The following OSBPL10 variants were observed in gnomAD, a reference collection of about 807,000 sequenced individuals.
OSBPL10 encodes the protein oxysterol binding protein like 10.
In OSBPL10, 49 loss-of-function variants were observed where a neutral mutation model predicts 81.7. The ratio of observed to expected loss-of-function variants is 0.60; its 90% CI spans 0.48 to 0.76. OSBPL10 has a LOEUF of 0.76. Ranked by LOEUF, OSBPL10 falls within the 30% of genes least tolerant of loss-of-function variation. The probability of loss-of-function intolerance (pLI) is 0.00; values close to 1 mark genes in which losing one functional copy is unlikely to be tolerated. For synonymous variants in OSBPL10, 419 were observed against 383.6 expected, an observed-to-expected ratio of 1.09 and a Z score of -1.08; for missense variants, 923 against 987.8, an observed-to-expected ratio of 0.93 and a Z score of 0.88.
intron 6 of OSBPL10, among the ~76,000 whole-genome samples, chr3:31,729,887 C>G (rs1252134767): frequency 6.6e-6 from 1 of 152,168 alleles, no homozygotes; most frequent in African/African-American, 2.4e-5. Flanking sequence ...TCTAAACACT[C>G]CAACCTCCAT....
At chr3:32,030,079 T>C (rs796172441) in intron 2 of OSBPL10, 3 of 191,868 alleles carry the variant, frequency 1.6e-5, no homozygotes, top group African/African-American at 7.1e-5. Context: ...ATAGAGAATA[T>C]GTCAAAGAAG....
At chr3:31,710,359 C>T (rs913280054) in intron 6 of OSBPL10, among the ~76,000 whole-genome samples, 3 of 152,188 alleles carry the variant, frequency 2.0e-5, no homozygotes, top group African/African-American at 7.2e-5. Context: ...GGTATGTTGA[C>T]TTGAGGTTGC....
chr3:31,683,761 C>A lies in OSBPL10; in HGVS notation c.1599G>T (p.Val533=). The A allele has an allele frequency of 6.2e-7, 1 of 1,614,208 alleles. No homozygotes were observed. The stretch of plus-strand genomic sequence containing the variant: ...AGCAGGAGATGGGTGGGTGATGGGA[C>A]ACTTGCTCAGCCACAAACCTTAGTT... ...SYKLRFVAEQ[V]SHHPPISCFY... Residue 533 remains valine, a synonymous_variant, in exon 8 of 12, where the codon GTG becomes GTT. Transcript: ENST00000396556.
intron 4 of OSBPL10, among the ~76,000 whole-genome samples, chr3:31,811,392 T>G (rs1021854776): frequency 6.6e-6 from 1 of 152,146 alleles, no homozygotes; most frequent in Admixed American, 6.5e-5. Context: ...CTGTGCCCCA[T>G]GTGCGGCGCA....
At chr3:32,010,281 T>G (rs992330787) in intron 2 of OSBPL10, among the ~76,000 whole-genome samples, 4 of 152,310 alleles carry the variant, frequency 2.6e-5, no homozygotes, top group Admixed American at 1.3e-4. Flanking sequence ...TGCCTTGTTC[T>G]TGGATCTCCA....
At chr3:31,675,546 G>A (rs539618245) in intron 8 of OSBPL10, among the ~76,000 whole-genome samples, 1 of 152,292 alleles carries the variant, frequency 6.6e-6, no homozygotes, top group Non-Finnish European at 1.5e-5. Context: ...TCAGCTAACA[G>A]CACTGCAGCA....
At chr3:32,019,055 C>T (rs1351759382) in intron 2 of OSBPL10, among the ~76,000 whole-genome samples, 1 of 152,180 alleles carries the variant, frequency 6.6e-6, no homozygotes, top group African/African-American at 2.4e-5. Context: ...GCAATCTCCA[C>T]CAACGGCCTA....
intron 4 of OSBPL10, among the ~76,000 whole-genome samples, chr3:31,817,723 G>C (rs1274478090): frequency 6.6e-6 from 1 of 152,104 alleles, no homozygotes; most frequent in Non-Finnish European, 1.5e-5. Flanking sequence ...ACTGCGGTTT[G>C]GGTGACTGCA....
chr3:31,783,860 G>A (rs1186512260), intron 4 of OSBPL10, among the ~76,000 whole-genome samples: 40 of 45,774 alleles, frequency 8.7e-4, no homozygotes, highest in Admixed American at 1.4e-3. Context: ...ATATATATAT[G>A]AATGAATAAA....
chr3:31,885,430 C>G (rs1158725145), intron 1 of OSBPL10, among the ~76,000 whole-genome samples: 1 of 152,184 alleles, frequency 6.6e-6, no homozygotes, highest in Non-Finnish European at 1.5e-5. Flanking sequence ...CATGTTCTCA[C>G]TCGTTCACAC....
At chr3:32,047,861 T>C (rs1182707426) in intron 1 of OSBPL10, among the ~76,000 whole-genome samples, 2 of 152,064 alleles carry the variant, frequency 1.3e-5, no homozygotes, top group South Asian at 2.1e-4. Context: ...GAGATGGGGT[T>C]TCACCATGTT....
At chr3:31,990,833 G>A (rs755999729) in intron 2 of OSBPL10, 1 of 1,591,896 alleles carries the variant, frequency 6.3e-7, no homozygotes, top group Admixed American at 1.8e-5. Flanking sequence ...GCAAAACAAA[G>A]GAGAATTCAT....
At position 31,874,125 on chromosome 3, in the gene OSBPL10, T is replaced by A. The variant is rs571830361; in HGVS notation, c.537+2308A>T. ...AATCTTCAAATTCTTTTTTTTTTTTTAACTACCATTAGGAAGGCTTTAATT... is the reference window on the plus strand; with the variant it reads ...AATCTTCAAATTCTTTTTTTTTTTTAAACTACCATTAGGAAGGCTTTAATT... On this transcript the variant is annotated intron_variant, in intron 3 of 11. Transcript: ENST00000396556. 8.6e-5 allele frequency among the ~76,000 whole-genome samples: 13 copies of A among 151,484 alleles called. No homozygotes were observed. In the East Asian group the frequency reaches 2.5e-3, roughly 29 times the overall value.
chr3:31,691,578 A>T (rs957253469), intron 7 of OSBPL10, among the ~76,000 whole-genome samples: 8 of 152,126 alleles, frequency 5.3e-5, no homozygotes, highest in Non-Finnish European at 1.2e-4. Context: ...TAAATTAGCC[A>T]GGTGTGGTGG....
At chr3:31,852,467 G>A (rs1351807539) in intron 3 of OSBPL10, among the ~76,000 whole-genome samples, 1 of 152,192 alleles carries the variant, frequency 6.6e-6, no homozygotes, top group Non-Finnish European at 1.5e-5. Flanking sequence ...GCACGTGAAA[G>A]AAACCTATGA....
intron 1 of OSBPL10, among the ~76,000 whole-genome samples, chr3:32,060,973 C>G (rs1263911182): frequency 4.6e-5 from 1 of 21,590 alleles, no homozygotes; most frequent in African/African-American, 7.9e-5. Context: ...AACTCCGCCT[C>G]AAAAAAAAAA....
At chr3:31,951,866 A>T (rs77008899) in intron 1 of OSBPL10, among the ~76,000 whole-genome samples, 1 of 152,090 alleles carries the variant, frequency 6.6e-6, no homozygotes, top group Admixed American at 6.6e-5. Context: ...TTTAAAACCC[A>T]TGCTTTAACA....
At chr3:31,686,196 G>A (rs1176038537) in intron 7 of OSBPL10, among the ~76,000 whole-genome samples, 1 of 152,134 alleles carries the variant, frequency 6.6e-6, no homozygotes, top group Admixed American at 6.5e-5. Flanking sequence ...AAACTTCCCA[G>A]CCTGCAGAAT....
At chr3:31,966,066 G>A (rs1698392260) in intron 1 of OSBPL10, among the ~76,000 whole-genome samples, 2 of 145,182 alleles carry the variant, frequency 1.4e-5, no homozygotes, top group African/African-American at 5.1e-5. Flanking sequence ...AGGCCAAGGT[G>A]GGAGGATTGC....
Sources: gnomAD v4.1 joint callset for allele counts (sites outside exome capture counted in the v4.1 genomes callset) on GRCh38, gnomAD v4.1.1 for gene constraint, MANE v1.5 for transcripts, NCBI Gene and HGNC (gene_info 2026-07-23, HGNC 2026-07-21) for gene names.